Variants in ADK observed in about 807,000 individuals in gnomAD.
ADK encodes adenosine kinase.
In ADK, 24 loss-of-function variants were observed where a neutral mutation model predicts 44.7. The ratio of observed to expected loss-of-function variants is 0.54; its 90% CI spans 0.39 to 0.76. The LOEUF (loss-of-function observed/expected upper bound fraction) is 0.76, where lower values mean the gene tolerates loss of function less well. ADK is among the 30% of genes least tolerant of loss of function. The pLI is 0.00. For missense variants in ADK, 321 were observed against 425.1 expected, an observed-to-expected ratio of 0.76 and a Z score of 2.15; for synonymous variants, 128 against 142.6, an observed-to-expected ratio of 0.90 and a Z score of 0.73.
chr10:74,703,853 A>G (rs1856514180), intron 10 of ADK, among the ~76,000 whole-genome samples: 1 of 152,218 alleles, frequency 6.6e-6, no homozygotes, highest in African/African-American at 2.4e-5. Context: ...AGTTCAGGGA[A>G]ATAAAATTGT....
intron 3 of ADK, among the ~76,000 whole-genome samples, chr10:74,263,285 C>T (rs777654805): frequency 2.0e-5 from 3 of 152,144 alleles, no homozygotes; most frequent in Non-Finnish European, 4.4e-5. Context: ...CATGAAAATA[C>T]GGTTGGGTGT....
chr10:74,227,734 C>T (rs1844598397), intron 3 of ADK, among the ~76,000 whole-genome samples: 1 of 152,130 alleles, frequency 6.6e-6, no homozygotes, highest in South Asian at 2.1e-4. Flanking sequence ...ATCCCAGCTA[C>T]TCAGGAGGCT....
At chr10:74,207,261 G>A (rs995266025) in intron 2 of ADK, among the ~76,000 whole-genome samples, 1 of 152,212 alleles carries the variant, frequency 6.6e-6, no homozygotes, top group Admixed American at 6.5e-5. Context: ...GCCCCAAAGA[G>A]AGTGTCACAG....
chr10:74,432,908 G>A (rs192238303), intron 6 of ADK, among the ~76,000 whole-genome samples: 2 of 152,154 alleles, frequency 1.3e-5, no homozygotes, highest in African/African-American at 4.8e-5. Flanking sequence ...AAATATTTAG[G>A]TATTTGTCTA....
At chr10:74,256,328 T>C (rs941117731) in intron 3 of ADK, among the ~76,000 whole-genome samples, 1 of 152,168 alleles carries the variant, frequency 6.6e-6, no homozygotes, top group African/African-American at 2.4e-5. Context: ...TACTTAACAT[T>C]ATCCTGGTTA....
At chr10:74,648,854 T>G (rs190885310) in intron 9 of ADK, among the ~76,000 whole-genome samples, 118 of 152,210 alleles carry the variant, frequency 7.8e-4, no homozygotes, top group African/African-American at 2.8e-3. Flanking sequence ...GAATTTAGGA[T>G]TTTAATTGTA....
chr10:74,210,662 A>G (rs1176737550), intron 2 of ADK, among the ~76,000 whole-genome samples: 1 of 152,170 alleles, frequency 6.6e-6, no homozygotes, highest in Non-Finnish European at 1.5e-5. Context: ...AAAATGCTCA[A>G]AGTAATTGGC....
intron 6 of ADK, among the ~76,000 whole-genome samples, chr10:74,517,629 C>T (rs1848644801): frequency 6.6e-6 from 1 of 150,630 alleles, no homozygotes; most frequent in African/African-American, 2.5e-5. Context: ...GTCGAGGGTG[C>T]ACTGAGCTGT....
chr10:74,525,449 A>G, intron 7 of ADK, 23 bp downstream of exon 7: 1 of 1,596,410 alleles, frequency 6.3e-7, no homozygotes, highest in Non-Finnish European at 8.6e-7. Flanking sequence ...TCCTTTTTCA[A>G]AAGAACCTGG....
chr10:74,472,538 T>A (rs893281949), intron 6 of ADK, among the ~76,000 whole-genome samples: 3 of 152,206 alleles, frequency 2.0e-5, no homozygotes, highest in African/African-American at 7.2e-5. Context: ...TCATATAATG[T>A]TCTACAAGGT....
intron 8 of ADK, among the ~76,000 whole-genome samples, chr10:74,589,904 A>G (rs1851658683): frequency 6.6e-6 from 1 of 152,186 alleles, no homozygotes; most frequent in African/African-American, 2.4e-5. Flanking sequence ...AGCATAAAAT[A>G]TACATACATT....
At chr10:74,221,969 T>G (rs1564602310) in intron 2 of ADK, among the ~76,000 whole-genome samples, 1 of 152,206 alleles carries the variant, frequency 6.6e-6, no homozygotes, top group African/African-American at 2.4e-5. Flanking sequence ...GGGCAAGGAC[T>G]TCATGACTAA....
chr10:74,607,520 G>A (rs1231329790), intron 9 of ADK, among the ~76,000 whole-genome samples: 1 of 152,128 alleles, frequency 6.6e-6, no homozygotes, highest in African/African-American at 2.4e-5. Context: ...GAAATTCTGG[G>A]TTCAAAATTC....
chr10:74,372,132 G>A (rs764076370), intron 4 of ADK: 4 of 749,624 alleles, frequency 5.3e-6, no homozygotes, highest in Non-Finnish European at 9.8e-6. Flanking sequence ...ATTCATGCCT[G>A]ATCTCTACAG....
chr10:74,300,325 TCC>T (rs1839982390), intron 3 of ADK, among the ~76,000 whole-genome samples: 1 of 122,152 alleles, frequency 8.2e-6, no homozygotes, highest in African/African-American at 3.1e-5. Context: ...CTTCCTTCCT[TCC>T]TTCCTTCCTT....
chr10:74,688,629 G>A (rs935068409), intron 10 of ADK, among the ~76,000 whole-genome samples: 4 of 152,134 alleles, frequency 2.6e-5, no homozygotes, highest in African/African-American at 9.7e-5. Flanking sequence ...AGTAACCCAC[G>A]CTAGGCCAGG....
chr10:74,245,594 GTTTTT>G (rs11377208), intron 3 of ADK, among the ~76,000 whole-genome samples: 1 of 141,270 alleles, frequency 7.1e-6, no homozygotes, highest in African/African-American at 2.6e-5. Flanking sequence ...TTTTGTTTTT[GTTTTT>G]TTTTTTTTTG....
chr10:74,175,309 A>G (rs192560376), intron 1 of ADK, among the ~76,000 whole-genome samples: 10 of 151,842 alleles, frequency 6.6e-5, no homozygotes, highest in African/African-American at 1.9e-4. Context: ...GCTTGAACCC[A>G]GGAGGCAGAG....
chr10:74,568,326 A>C (rs1417138879), intron 7 of ADK, among the ~76,000 whole-genome samples: 1 of 151,856 alleles, frequency 6.6e-6, no homozygotes, highest in Non-Finnish European at 1.5e-5. Context: ...TTTCATTGTC[A>C]TCTCCTCACT....
Sources: allele counts gnomAD v4.1 joint callset (sites outside exome capture counted in the v4.1 genomes callset), GRCh38; gene constraint gnomAD v4.1.1; transcripts MANE v1.5; gene names NCBI Gene and HGNC (gene_info 2026-07-23, HGNC 2026-07-21).